Variants in ELF2 observed in about 807,000 individuals in gnomAD.
ELF2 encodes E74 like ETS transcription factor 2.
In ELF2, 11 loss-of-function variants were observed where a neutral mutation model predicts 54.8. The observed-to-expected ratio is 0.20, with a 90% CI of 0.13 to 0.33. The LOEUF is 0.33. ELF2 is among the 10% of genes least tolerant of loss of function. The pLI, the probability that ELF2 is intolerant of heterozygous loss-of-function variation, is 1.00. For missense variants in ELF2, 513 were observed against 703.0 expected (o/e 0.73, Z 3.06); for synonymous variants, 203 against 245.1 (o/e 0.83, Z 1.61).
intron 4 of ELF2, chr4:139,084,330 C>T (rs1731667104): frequency 1.9e-6 from 3 of 1,552,290 alleles, no homozygotes; most frequent in Non-Finnish European, 2.6e-6. Context: ...CACTCCGACG[C>T]CCGGATCCTT....
intron 1 of ELF2, among the ~76,000 whole-genome samples, chr4:139,173,167 C>T (rs752132764): frequency 7.2e-5 from 11 of 152,004 alleles, no homozygotes; most frequent in Non-Finnish European, 1.2e-4. Flanking sequence ...ATTTTGGAGG[C>T]AATGGAAATG....
In ELF2 at chr4:139,109,878, G is replaced by A. The variant is rs76186059; in HGVS notation, c.238+15286C>T. Among the ~76,000 whole-genome samples, 1,058 of 152,246 alleles carry A rather than the reference G, an allele frequency of 6.9e-3. 15 individuals carry two copies. The highest frequency in any genetic ancestry group is 0.024 in the African/African-American group (1,011 of 41,540). On this transcript the variant is annotated intron_variant, in intron 4 of 9. Coordinates refer to ENST00000686138, the MANE Select transcript of ELF2 (RefSeq NM_001331036.3). ...CAAGGATATTTTTAAAACTTCCCAC[G>A]TGTACTGTGTTCACTATCTGGGTGA...
At chr4:139,150,440 G>A (rs576421681) in intron 1 of ELF2, among the ~76,000 whole-genome samples, 67 of 150,292 alleles carry the variant, frequency 4.5e-4, no homozygotes, top group African/African-American at 1.6e-3. Context: ...AACCACTTGA[G>A]CCCAGGAGAT....
At chr4:139,104,883 T>C (rs975979989) in intron 4 of ELF2, among the ~76,000 whole-genome samples, 1 of 152,204 alleles carries the variant, frequency 6.6e-6, no homozygotes, top group Non-Finnish European at 1.5e-5. Context: ...ACTACCATAC[T>C]TGGCAATTCT....
chr4:139,059,275 G>T lies in ELF2; in HGVS notation c.1490C>A (p.Thr497Asn). The change falls in exon 10 of 10, where the codon ACC becomes AAC. Residue 497 changes from threonine (T) to asparagine (N), a missense_variant. By Grantham distance (65) the Thr-to-Asn change is moderately conservative (BLOSUM62 0). This residue lies in a region of ELF2 where 291 missense variants were observed against 366.1 expected (regional missense o/e 0.79). Transcript: ENST00000686138. ...VGTPLAVRAL[T>N]PVSIAHGTPV... ...TGTACCATGGGCTATTGAAACAGGG[G>T]TAAGTGCTCTCACAGCCAATGGGGT... 1 of 1,613,902 alleles carries T rather than the reference G, an allele frequency of 6.2e-7. No individual in the cohort carries two copies. Among genetic ancestry groups the T allele is most frequent in the Non-Finnish European group, 8.5e-7 (1 of 1,179,874 alleles).
chr4:139,075,078 A>T (rs1320696106), intron 4 of ELF2, among the ~76,000 whole-genome samples: 1 of 152,130 alleles, frequency 6.6e-6, no homozygotes, highest in Admixed American at 6.5e-5. Context: ...TTAACCTAAG[A>T]CTTTTTCTTA....
intron 4 of ELF2, among the ~76,000 whole-genome samples, chr4:139,089,846 G>A (rs1732391998): frequency 6.6e-6 from 1 of 151,902 alleles, no homozygotes; most frequent in Non-Finnish European, 1.5e-5. Context: ...AAATATTTCT[G>A]CAAAAAAAAT....
Position 139,084,333 on chromosome 4 carries a change from G to A in ELF2, c.239-10766C>T, listed in dbSNP as rs534250876. ...CGCACTCGCACACACTCCGACGCCC[G>A]GATCCTTGCGCGTCCTCCGACAGGA... On this transcript the variant is annotated intron_variant, in intron 4 of 9. Coordinates refer to ENST00000686138, the MANE Select transcript of ELF2 (RefSeq NM_001331036.3). 4.5e-5 allele frequency: 69 copies of A among 1,541,774 alleles called. No homozygotes were observed. In the East Asian group the frequency reaches 1.6e-3, roughly 36 times the overall value.
chr4:139,164,534 G>C (rs1407728544), intron 1 of ELF2, among the ~76,000 whole-genome samples: 4 of 152,136 alleles, frequency 2.6e-5, no homozygotes, highest in Non-Finnish European at 5.9e-5. Flanking sequence ...CTACTCTGGA[G>C]GCTCAGTCAG....
intron 4 of ELF2, among the ~76,000 whole-genome samples, chr4:139,097,851 T>C (rs1295564158): frequency 6.6e-6 from 1 of 152,066 alleles, no homozygotes; most frequent in Non-Finnish European, 1.5e-5. Flanking sequence ...GAGTACAATG[T>C]GGCCTATAGG....
intron 6 of ELF2, among the ~76,000 whole-genome samples, chr4:139,069,353 AG>A (rs1391257675): frequency 6.6e-6 from 1 of 152,216 alleles, no homozygotes; most frequent in Non-Finnish European, 1.5e-5. Flanking sequence ...TGTAATCAGA[AG>A]TCTGTTTTAA....
At chr4:139,158,810 T>C (rs988556584) in intron 1 of ELF2, among the ~76,000 whole-genome samples, 3 of 152,164 alleles carry the variant, frequency 2.0e-5, no homozygotes, top group African/African-American at 7.2e-5. Context: ...ACTTGCTTGG[T>C]TGGCAAGTCT....
chr4:139,135,795 C>T (rs778362943), intron 3 of ELF2, among the ~76,000 whole-genome samples: 2 of 152,112 alleles, frequency 1.3e-5, no homozygotes, highest in Non-Finnish European at 2.9e-5. Context: ...AATGTGATCA[C>T]CCTATAAGAC....
chr4:139,070,722 C>G (rs1729391087), intron 6 of ELF2, among the ~76,000 whole-genome samples: 1 of 152,156 alleles, frequency 6.6e-6, no homozygotes, highest in African/African-American at 2.4e-5. Context: ...ATGCTTACAT[C>G]AGGAAGTAAC....
chr4:139,083,646 G>A (rs1363437965), intron 4 of ELF2, among the ~76,000 whole-genome samples: 1 of 152,218 alleles, frequency 6.6e-6, no homozygotes, highest in Non-Finnish European at 1.5e-5. Context: ...TCTGAAGGGA[G>A]AACCGAGCGG....
chr4:139,092,414 T>TAACATAACAAAACAAACATA (rs70940488), intron 4 of ELF2, among the ~76,000 whole-genome samples: 3 of 87,762 alleles, frequency 3.4e-5, no homozygotes, highest in Admixed American at 1.3e-4. Flanking sequence ...TAACATAACA[T>TAACATAACAAAACAAACATA]ACATAACATA....
intron 4 of ELF2, among the ~76,000 whole-genome samples, chr4:139,079,159 G>T (rs766412389): frequency 4.6e-5 from 7 of 151,932 alleles, no homozygotes; most frequent in Non-Finnish European, 8.8e-5. Flanking sequence ...CAAACTCCCA[G>T]ACTCAAGAGA....
In ELF2 at chr4:139,165,955, ATTTC is replaced by A. The variant is rs1177720824; in HGVS notation, c.-252+11008_-252+11011del. Among the ~76,000 whole-genome samples the A allele has an allele frequency of 6.6e-5, 10 of 152,288 alleles. No individual in the cohort carries two copies. The South Asian group carries it at 1.9e-3, about 28-fold the overall frequency. On this transcript the variant is annotated intron_variant, in intron 1 of 9. Coordinates refer to ENST00000686138, the MANE Select transcript of ELF2 (RefSeq NM_001331036.3). ...TATTACATGCCACAAAAATAACTGA[ATTTC>A]TTTGTCAATTGCTGATTATAATAAA...
intron 4 of ELF2, among the ~76,000 whole-genome samples, chr4:139,106,596 G>A (rs957648504): frequency 4.0e-5 from 6 of 150,770 alleles, no homozygotes; most frequent in African/African-American, 7.3e-5. Flanking sequence ...ACAGGGTCTC[G>A]CTCTATATAA....
Sources: allele counts gnomAD v4.1 joint callset (sites outside exome capture counted in the v4.1 genomes callset), GRCh38; gene constraint gnomAD v4.1.1; regional missense constraint gnomAD v4.1.1; transcripts MANE v1.5; gene names NCBI Gene and HGNC (gene_info 2026-07-23, HGNC 2026-07-21).